Variants in UTP20 observed in about 807,000 individuals in gnomAD.
UTP20 encodes UTP20 small subunit processome component, also known as small subunit processome component 20 homolog.
Under a neutral mutation model 329.5 loss-of-function variants are expected in UTP20, and 164 were observed. That is an observed-to-expected ratio of 0.50 (90% CI 0.44 to 0.57). The LOEUF is 0.57. Among genes scored for constraint, UTP20 ranks in the 20% least tolerant of loss-of-function variants. UTP20 has a pLI of 0.00. For missense variants in UTP20, 3,055 were observed against 3,284.2 expected (o/e 0.93, Z 1.71); for synonymous variants, 1,151 against 1,159.3 (o/e 0.99, Z 0.14).
At chr12:101,328,970 C>T (rs1387481955) in intron 26 of UTP20, among the ~76,000 whole-genome samples, 1 of 151,824 alleles carries the variant, frequency 6.6e-6, no homozygotes. Flanking sequence ...GGTTTAGAGA[C>T]TTAGTTCTGT....
At chr12:101,384,940 G>T (rs987492388) in intron 60 of UTP20, among the ~76,000 whole-genome samples, 1 of 152,098 alleles carries the variant, frequency 6.6e-6, no homozygotes, top group Admixed American at 6.6e-5. Context: ...TCAACAGCAG[G>T]AAAGTTTTCA....
At chr12:101,300,919 C>T (rs1456858567) in intron 14 of UTP20, among the ~76,000 whole-genome samples, 2 of 152,140 alleles carry the variant, frequency 1.3e-5, no homozygotes, top group African/African-American at 4.8e-5. Context: ...TTCTGTTATA[C>T]AGCACTGATC....
In UTP20 at chr12:101,300,066, G is replaced by C; in HGVS notation, c.1675+5G>C. On this transcript the variant is annotated splice_donor_5th_base_variant and intron_variant, in intron 14 of 61. Coordinates refer to ENST00000261637, the MANE Select transcript of UTP20 (RefSeq NM_014503.3). ...ACAAAGGAAGCTTTGGGAAAGGTCA[G>C]TTACAATCATCATGTGTTCTCTTCT... 1 of 1,613,348 alleles carries C rather than the reference G, an allele frequency of 6.2e-7. No individual in the cohort carries two copies. Among genetic ancestry groups the C allele is most frequent in the South Asian group, 1.1e-5 (1 of 91,064 alleles).
intron 21 of UTP20, among the ~76,000 whole-genome samples, chr12:101,315,656 T>A (rs1338454156): frequency 1.3e-5 from 2 of 152,216 alleles, no homozygotes; most frequent in African/African-American, 4.8e-5. Flanking sequence ...CAAATAATTC[T>A]TTGGGCATAA....
At chr12:101,356,527 T>G in intron 41 of UTP20, 27 bp from the exon 42 acceptor site, 1 of 1,581,660 alleles carries the variant, frequency 6.3e-7, no homozygotes, top group Non-Finnish European at 8.6e-7. Context: ...TATTTTCATT[T>G]TAGCTTAACC....
Position 101,355,032 on chromosome 12 carries a change from G to T in UTP20, c.5308G>T (p.Glu1770Ter). 6.2e-7 allele frequency: 1 copy of T among 1,614,126 alleles called. No homozygotes were observed. The highest frequency in any genetic ancestry group is 8.5e-7 in the Non-Finnish European group (1 of 1,180,026). Residue 1770 changes from glutamate (E) to a stop codon, truncating the protein, a stop_gained, in exon 41 of 62, where the codon GAA (glutamate) becomes TAA (stop). Coordinates refer to ENST00000261637, the MANE Select transcript of UTP20 (RefSeq NM_014503.3). LOFTEE classifies it high-confidence loss of function. ...TGTCTCTTTCCTTCCTCAAAACAAG[G>T]AAGAAATAGAGAGAACAATTAAAAA... is the stretch of plus-strand genomic sequence containing the variant. ...KPVSFLPQNKEEIERTIKNIQ... is the reference protein window; with the variant it reads ...KPVSFLPQNK
intron 40 of UTP20, among the ~76,000 whole-genome samples, chr12:101,353,741 T>C (rs189065036): frequency 1.2e-4 from 19 of 152,212 alleles, no homozygotes; most frequent in Admixed American, 1.2e-3. Flanking sequence ...TTTTTAAACA[T>C]TATAAATTGG....
intron 27 of UTP20, among the ~76,000 whole-genome samples, chr12:101,331,051 G>A (rs1194538856): frequency 6.6e-6 from 1 of 152,166 alleles, no homozygotes; most frequent in Admixed American, 6.5e-5. Context: ...CTTGAAAATT[G>A]TTGGTTTTGA....
In UTP20 at chr12:101,366,496, T is replaced by C. The variant is rs1870097887; in HGVS notation, c.6126-62T>C. On this transcript the variant is annotated intron_variant, in intron 46 of 61. Transcript: ENST00000261637. ...TCTCGTCACTTTAGAAGGGCCACTCTAACTTCTTGGAATGCAGCTGACAGT... is the reference window on the plus strand; with the variant it reads ...TCTCGTCACTTTAGAAGGGCCACTCCAACTTCTTGGAATGCAGCTGACAGT... 1.2e-5 allele frequency: 19 copies of C among 1,553,008 alleles called. No individual in the cohort carries two copies. The South Asian group carries it at 2.2e-4, about 18-fold the overall frequency.
At chr12:101,283,504 A>G (rs1018610299) in intron 2 of UTP20, among the ~76,000 whole-genome samples, 2 of 151,980 alleles carry the variant, frequency 1.3e-5, no homozygotes, top group African/African-American at 4.8e-5. Flanking sequence ...GAGGAAACAG[A>G]CTCCGTCTCT....
intron 12 of UTP20, among the ~76,000 whole-genome samples, chr12:101,298,806 T>C (rs1355707420): frequency 4.6e-5 from 7 of 152,168 alleles, no homozygotes; most frequent in Admixed American, 4.6e-4. Flanking sequence ...TTCCAGACAC[T>C]AAACATCCTG....
intron 43 of UTP20, among the ~76,000 whole-genome samples, chr12:101,359,230 A>G (rs1357200634): frequency 1.3e-5 from 2 of 151,686 alleles, no homozygotes; most frequent in Non-Finnish European, 2.9e-5. Context: ...TGCCCAGCTA[A>G]TTTTTTTGTA....
In UTP20 at chr12:101,300,559, G is replaced by A. The variant is rs1038379645; in HGVS notation, c.1675+498G>A. On this transcript the variant is annotated intron_variant, in intron 14 of 61. Coordinates refer to ENST00000261637, the MANE Select transcript of UTP20 (RefSeq NM_014503.3). ...CTCAGCTCAGGCACAACACCTCTAG[G>A]AAGGCCTTTATGACTCTTTAGGCAG... Among the ~76,000 whole-genome samples the A allele has an allele frequency of 3.9e-5, 6 of 152,182 alleles. No individual in the cohort carries two copies. In the South Asian group the frequency reaches 1.2e-3, roughly 32 times the overall value.
chr12:101,296,042 T>C (rs1467141442), intron 12 of UTP20, among the ~76,000 whole-genome samples: 1 of 152,192 alleles, frequency 6.6e-6, no homozygotes, highest in Non-Finnish European at 1.5e-5. Flanking sequence ...CTCAGATTAC[T>C]CCATTGGTAC....
intron 60 of UTP20, among the ~76,000 whole-genome samples, chr12:101,384,209 GAAT>G (rs1870752375): frequency 6.6e-6 from 1 of 152,116 alleles, no homozygotes; most frequent in Non-Finnish European, 1.5e-5. Flanking sequence ...ATAGCACAAT[GAAT>G]AATAATGAAT....
intron 26 of UTP20, among the ~76,000 whole-genome samples, chr12:101,327,833 A>G (rs1868618322): frequency 6.6e-6 from 1 of 152,210 alleles, no homozygotes; most frequent in South Asian, 2.1e-4. Context: ...ACTAACATGT[A>G]TTGAGTGCTT....
intron 27 of UTP20, among the ~76,000 whole-genome samples, chr12:101,332,772 T>G (rs1237841805): frequency 6.6e-6 from 1 of 152,222 alleles, no homozygotes; most frequent in Non-Finnish European, 1.5e-5. Flanking sequence ...ATAAATTCCT[T>G]AACTAGTCCC....
In UTP20 at chr12:101,365,516, C is replaced by T. The variant is rs754376370; in HGVS notation, c.6016C>T (p.Arg2006Ter). Residue 2006 changes from arginine to a stop codon, truncating the protein, a stop_gained, in exon 46 of 62, where the codon CGA (arginine) becomes TGA (stop). Transcript: ENST00000261637. LOFTEE classifies it high-confidence loss of function. ...LARKVHETLR[R>*]ITVGLIVNQE... The stretch of plus-strand genomic sequence containing the variant: ...CCGGAAAGTTCATGAAACTTTACGC[C>T]GAATCACAGTGGGATTAATTGTAAA... The T allele has an allele frequency of 8.1e-6, 13 of 1,612,448 alleles. No homozygotes were observed. Among genetic ancestry groups the T allele is most frequent in the Middle Eastern group, 1.7e-4 (1 of 6,060 alleles).
rs1411179830 is a variant in UTP20, at chr12:101,373,411, G to C, written c.6889G>C (p.Glu2297Gln). The change falls in exon 53 of 62, where the codon GAG (glutamate) becomes CAG (glutamine). Residue 2297 changes from glutamate to glutamine, a missense_variant. By Grantham distance (29) the Glu-to-Gln change is conservative (BLOSUM62 2). This residue lies in a region of UTP20 where 273 missense variants were observed against 363.1 expected (regional missense o/e 0.75). Coordinates refer to ENST00000261637, the MANE Select transcript of UTP20 (RefSeq NM_014503.3). Reference protein sequence around the residue: ...FMLAQLNYEHETGRESTLEMI... With the variant: ...FMLAQLNYEHQTGRESTLEMI... ...ATGTCCTTCCCCTAGTTACGAACAT[G>C]AGACCGGGAGAGAGTCCACCTTGGA... 1 of 1,613,972 alleles carries C rather than the reference G, an allele frequency of 6.2e-7. No individual in the cohort carries two copies. Among genetic ancestry groups the C allele is most frequent in the Admixed American group, 1.7e-5 (1 of 60,014 alleles).
Sources: allele counts gnomAD v4.1 joint callset (sites outside exome capture counted in the v4.1 genomes callset), GRCh38; gene constraint gnomAD v4.1.1; regional missense constraint gnomAD v4.1.1; transcripts MANE v1.5; gene names NCBI Gene and HGNC (gene_info 2026-07-23, HGNC 2026-07-21).